Variants in IGSF22 observed in about 807,000 individuals in gnomAD.
The protein encoded by IGSF22 is immunoglobulin superfamily member 22, also known as immunoglobulin superfamily, member 22.
A neutral mutation model predicts 127.0 loss-of-function variants in IGSF22; 119 were observed. The observed-to-expected ratio is 0.94, with a 90% CI of 0.81 to 1.09. The LOEUF is 1.09. Among genes scored for constraint, IGSF22 ranks in the 50% least tolerant of loss-of-function variants. The pLI is 0.00. For synonymous variants in IGSF22, 568 were observed against 664.7 expected (o/e 0.85, Z 2.24); for missense variants, 1,518 against 1,716.6 (o/e 0.88, Z 2.04).
At position 18,713,935 on chromosome 11, in the gene IGSF22, A is replaced by G; in HGVS notation, c.2012T>C (p.Val671Ala). 6.2e-7 allele frequency: 1 copy of G among 1,614,268 alleles called. No individual in the cohort carries two copies. The highest frequency in any genetic ancestry group is 1.1e-5 in the South Asian group (1 of 91,084). The part of the protein sequence containing the change: ...DQALLTISNC[V>A]REDSGLILLK... ...CAGGATGAGGCCGCTGTCTTCACGC[A>G]CACAGTTGGAGATGGTGAGCAGTGC... The change falls in exon 14 of 23, where the codon GTG becomes GCG. Residue 671 changes from valine to alanine, a missense_variant. Val to Ala is a moderately conservative substitution (Grantham distance 64, BLOSUM62 0). Coordinates refer to ENST00000513874, the MANE Select transcript of IGSF22 (RefSeq NM_173588.4).
intron 18 of IGSF22, among the ~76,000 whole-genome samples, chr11:18,708,632 C>G (rs887580991): frequency 6.6e-6 from 1 of 152,218 alleles, no homozygotes; most frequent in Non-Finnish European, 1.5e-5. Context: ...TGCCTTTACC[C>G]TCCAAACTGC....
intron 17 of IGSF22, 131 bp downstream of exon 17, chr11:18,710,196 A>C: frequency 2.5e-6 from 3 of 1,193,824 alleles, no homozygotes; most frequent in Non-Finnish European, 3.6e-6. Context: ...TTGTCCCTCT[A>C]TGAGGCTGGC....
At chr11:18,717,454 G>C (rs1035156559) in intron 9 of IGSF22, among the ~76,000 whole-genome samples, 15 of 152,010 alleles carry the variant, frequency 9.9e-5, no homozygotes, top group African/African-American at 3.1e-4. Flanking sequence ...TTTGAGACAG[G>C]GTCTTGCTTC....
intron 2 of IGSF22, 51 bp downstream of exon 2, chr11:18,724,077 A>G (rs551491218): frequency 1.4e-6 from 2 of 1,455,242 alleles, no homozygotes; most frequent in Admixed American, 1.7e-5. Context: ...ATGGGTGTGG[A>G]GGAAGAATAG....
At position 18,721,894 on chromosome 11, in the gene IGSF22, AC is replaced by A; in HGVS notation, c.241+15del. The A allele has an allele frequency of 6.2e-7, 1 of 1,611,862 alleles. No homozygotes were observed. Among genetic ancestry groups the A allele is most frequent in the Non-Finnish European group, 8.5e-7 (1 of 1,179,998 alleles). ...GCGAAGCACTGGAGCCCGGTGAGCC[AC>A]AGGCAGCAACACACCCTCGGGCGCG... On this transcript the variant is annotated intron_variant, in intron 3 of 22. Coordinates refer to ENST00000513874, the MANE Select transcript of IGSF22 (RefSeq NM_173588.4).
chr11:18,705,663 A>C, intron 22 of IGSF22, 154 bp downstream of exon 22: 1 of 641,664 alleles, frequency 1.6e-6, no homozygotes, highest in Non-Finnish European at 2.7e-6. Context: ...AGGATGGGAG[A>C]GTGGTAAGAA....
rs756912596 is a variant in IGSF22, at chr11:18,714,521, C to T, written c.1635G>A (p.Val545=). Residue 545 remains valine, a synonymous_variant, in exon 12 of 23, where the codon GTG becomes GTA. Coordinates refer to ENST00000513874, the MANE Select transcript of IGSF22 (RefSeq NM_173588.4). ...VVLNDEKVEG[V]WLKDGKEITD... ...AGACCTCCTTGCCATCCTTCAGCCA[C>T]ACACCCTCCACCTTCTCGTCATTCA... 16 of 1,614,224 alleles carry T rather than the reference C, an allele frequency of 9.9e-6. No homozygotes were observed. Among genetic ancestry groups the T allele is most frequent in the South Asian group, 4.4e-5 (4 of 91,084 alleles).
chr11:18,719,937 C>T, intron 6 of IGSF22, 44 bp from the exon 7 acceptor site: 1 of 1,612,742 alleles, frequency 6.2e-7, no homozygotes, highest in Non-Finnish European at 8.5e-7. Flanking sequence ...CAATGCCTCT[C>T]CAACCTTGAG....
chr11:18,719,025 C>T (rs1022616554), intron 7 of IGSF22, among the ~76,000 whole-genome samples: 3 of 152,236 alleles, frequency 2.0e-5, no homozygotes, highest in African/African-American at 7.2e-5. Flanking sequence ...CAATGAATGA[C>T]AGCAACAACA....
intron 17 of IGSF22, among the ~76,000 whole-genome samples, 195 bp downstream of exon 17, chr11:18,710,132 T>A (rs1848323503): frequency 6.6e-6 from 1 of 152,178 alleles, no homozygotes; most frequent in African/African-American, 2.4e-5. Flanking sequence ...CCCCACCTCC[T>A]CACTGTCCCT....
intron 2 of IGSF22, among the ~76,000 whole-genome samples, chr11:18,723,634 C>T (rs1180223985): frequency 6.6e-6 from 1 of 152,248 alleles, no homozygotes; most frequent in African/African-American, 2.4e-5. Context: ...TGCCCTCTTC[C>T]AAGTCTGGCC....
chr11:18,715,317 G>T (rs1336639854), intron 11 of IGSF22, 115 bp downstream of exon 11: 4 of 1,008,492 alleles, frequency 4.0e-6, no homozygotes, highest in Non-Finnish European at 6.0e-6. Flanking sequence ...GACACAAGTT[G>T]GTCATGGTCT....
rs774834158 is a variant in IGSF22, at chr11:18,706,178, GCGCCCCAAGGCCCCC to G, written c.3581-47_3581-33del. The G allele has an allele frequency of 1.9e-4, 293 of 1,509,750 alleles. 9 individuals carry two copies. The South Asian group carries it at 3.5e-3, about 18-fold the overall frequency. 93.5% of individuals were successfully genotyped at this position (1,509,750 alleles called of 1,614,324 possible). On this transcript the variant is annotated intron_variant, in intron 21 of 22. Transcript: ENST00000513874. The stretch of plus-strand genomic sequence containing the variant: ...GGGCGGGGCGGGGCAGGCCGTGAGG[GCGCCCCAAGGCCCCC>G]ACCCACCACCCACGTCTTACAGTTC...
At chr11:18,721,158 G>C (rs1323865726) in intron 4 of IGSF22, among the ~76,000 whole-genome samples, 3 of 152,162 alleles carry the variant, frequency 2.0e-5, no homozygotes, top group East Asian at 1.9e-4. Context: ...GAGTCCCTCC[G>C]GCACCTCGCC....
At chr11:18,707,331 G>A in intron 20 of IGSF22, 118 bp from the exon 21 acceptor site, 2 of 927,904 alleles carry the variant, frequency 2.2e-6, no homozygotes, top group Non-Finnish European at 3.1e-6. Context: ...GGCAGCTGGT[G>A]TCTTGGAGTC....
chr11:18,705,659 G>A (rs1848210448), intron 22 of IGSF22, 158 bp downstream of exon 22: 1 of 638,874 alleles, frequency 1.6e-6, no homozygotes, highest in African/African-American at 1.8e-5. Context: ...CGAAAGGATG[G>A]GAGAGTGGTA....
At chr11:18,717,142 C>G in intron 9 of IGSF22, 142 bp from the exon 10 acceptor site, 1 of 828,456 alleles carries the variant, frequency 1.2e-6, no homozygotes, top group Non-Finnish European at 1.9e-6. Context: ...GTTTTCGAGC[C>G]CTTCTCTCCT....
rs1848414628 is a variant in IGSF22, at chr11:18,714,273, A to G, written c.1798+4T>C. On this transcript the variant is annotated splice_donor_region_variant and intron_variant, in intron 13 of 22. Transcript: ENST00000513874. ...AGCTTTGCCTACCTTGGACAGATCC[A>G]TACCTGCGATGAATACAGAGGCTTC... The G allele has an allele frequency of 6.2e-7, 1 of 1,612,028 alleles. No individual in the cohort carries two copies. Among genetic ancestry groups the G allele is most frequent in the Non-Finnish European group, 8.5e-7 (1 of 1,179,126 alleles).
intron 1 of IGSF22, among the ~76,000 whole-genome samples, chr11:18,724,919 C>G (rs1392716237): frequency 3.3e-5 from 5 of 152,098 alleles, no homozygotes; most frequent in African/African-American, 1.2e-4. Context: ...ACAACCTTCC[C>G]CATTGCAACA....
Sources: gnomAD v4.1 joint callset for allele counts (sites outside exome capture counted in the v4.1 genomes callset) on GRCh38, gnomAD v4.1.1 for gene constraint, MANE v1.5 for transcripts, NCBI Gene and HGNC (gene_info 2026-07-23, HGNC 2026-07-21) for gene names.